S100A13: variants seen among roughly 807,000 people sequenced by gnomAD.
The protein encoded by S100A13 is protein S100-A13.
Under a neutral mutation model 8.2 loss-of-function variants are expected in S100A13, and 6 were observed. The ratio of observed to expected loss-of-function variants is 0.73; its 90% CI spans 0.40 to 1.44. S100A13 has a LOEUF of 1.44. Ranked by LOEUF, S100A13 falls within the 40% of genes most tolerant of loss-of-function variation. The probability of loss-of-function intolerance (pLI) is 0.02; values close to 1 mark genes in which losing one functional copy is unlikely to be tolerated. For missense variants in S100A13, 114 were observed against 113.6 expected, an observed-to-expected ratio of 1.00 and a Z score of -0.02; for synonymous variants, 39 against 45.9, an observed-to-expected ratio of 0.85 and a Z score of 0.61.
chr1:153,632,854 T>G (rs1668104848), upstream of S100A13, among the ~76,000 whole-genome samples: 1 of 152,120 alleles, frequency 6.6e-6, no homozygotes, highest in Non-Finnish European at 1.5e-5. Flanking sequence ...TACACTGTAT[T>G]GTGCACATAG....
At chr1:153,628,253 CG>C (rs1182864623), upstream of S100A13, 6 of 1,533,976 alleles carry the variant, frequency 3.9e-6, no homozygotes, top group Non-Finnish European at 5.3e-6. Context: ...GAGAAAGGAA[CG>C]GGGCAAGCAA....
intron 2 of S100A13, among the ~76,000 whole-genome samples, chr1:153,621,616 G>A (rs756532124): frequency 4.7e-5 from 7 of 150,492 alleles, no homozygotes; most frequent in Non-Finnish European, 7.4e-5. Flanking sequence ...CGGGCAACCC[G>A]CTCGGGTCTC....
upstream of S100A13, chr1:153,631,368 T>C: frequency 8.0e-7 from 1 of 1,252,374 alleles, no homozygotes; most frequent in Non-Finnish European, 1.1e-6. Context: ...GTTTCTTCTC[T>C]AGAATGGAAA....
rs146837329 is a variant in S100A13, at chr1:153,619,119, A to G, written c.154-81T>C. 13,102 of 1,319,700 alleles carry G rather than the reference A, an allele frequency of 9.9e-3. 188 individuals carry two copies. The highest frequency in any genetic ancestry group is 0.059 in the Middle Eastern group (304 of 5,166). 81.7% of individuals were successfully genotyped at this position (1,319,700 alleles called of 1,614,324 possible). Reference sequence around the variant, plus strand: ...AGGGAGGGAAGAACTGTCAGCTGCTATTCTCTCAAGGCCCTTCCCTCAGAG... The same window carrying G: ...AGGGAGGGAAGAACTGTCAGCTGCTGTTCTCTCAAGGCCCTTCCCTCAGAG... On this transcript the variant is annotated intron_variant, in intron 2 of 2. Transcript: ENST00000476133.
intron 2 of S100A13, among the ~76,000 whole-genome samples, chr1:153,625,533 C>G (rs1667561118): frequency 6.6e-6 from 1 of 152,226 alleles, no homozygotes; most frequent in South Asian, 2.1e-4. Flanking sequence ...CCACAGACCC[C>G]CTACACTGAG....
At chr1:153,631,945 C>A, upstream of S100A13, 1 of 1,356,992 alleles carries the variant, frequency 7.4e-7, no homozygotes, top group East Asian at 2.5e-5. Flanking sequence ...TAACCCCACC[C>A]TTGCCCACCC....
upstream of S100A13, chr1:153,629,997 C>A: frequency 6.3e-6 from 1 of 158,864 alleles, no homozygotes; most frequent in Non-Finnish European, 1.4e-5. Flanking sequence ...CTCTACCAGG[C>A]TGACCGAGGG....
At chr1:153,632,165 T>C (rs542380048), upstream of S100A13, 1 of 251,508 alleles carries the variant, frequency 4.0e-6, no homozygotes, top group East Asian at 8.5e-5. Context: ...ATCTTCCTAC[T>C]TGAGGAATGC....
upstream of S100A13, chr1:153,632,899 G>C (rs906562792): frequency 6.6e-6 from 1 of 152,250 alleles, no homozygotes; most frequent in Non-Finnish European, 1.5e-5. Flanking sequence ...GCCGGGCACA[G>C]TGGCTCACGA....
At chr1:153,620,329 T>C (rs780272515) in intron 2 of S100A13, among the ~76,000 whole-genome samples, 1 of 151,472 alleles carries the variant, frequency 6.6e-6, no homozygotes, top group Non-Finnish European at 1.5e-5. Flanking sequence ...GGTGTGATAG[T>C]GCACACCCGT....
At chr1:153,631,735 A>G (rs896317257), upstream of S100A13, 1 of 1,614,188 alleles carries the variant, frequency 6.2e-7, no homozygotes, top group South Asian at 1.1e-5. Flanking sequence ...AAGGTGATGA[A>G]GGAGCTAGAC....
chr1:153,628,537 G>A (rs770578849), upstream of S100A13: 37 of 1,548,930 alleles, frequency 2.4e-5, no homozygotes, highest in South Asian at 1.7e-4. Flanking sequence ...TGGCCTGCCA[G>A]CTTCAGGGAG....
intron 1 of S100A13, 78 bp from the exon 2 acceptor site, chr1:153,626,611 T>C (rs1045160394): frequency 1.3e-6 from 1 of 793,640 alleles, no homozygotes. Flanking sequence ...GTCCCTGCCT[T>C]GGTGTTATCA....
At chr1:153,620,243 C>T (rs191090946) in intron 2 of S100A13, among the ~76,000 whole-genome samples, 7 of 151,792 alleles carry the variant, frequency 4.6e-5, no homozygotes, top group Admixed American at 6.6e-5. Context: ...GCAGAGATCG[C>T]GCCATTGCAC....
At chr1:153,632,477 T>A (rs1323808934), upstream of S100A13, among the ~76,000 whole-genome samples, 1 of 151,982 alleles carries the variant, frequency 6.6e-6, no homozygotes, top group Non-Finnish European at 1.5e-5. Flanking sequence ...TTCACCATGT[T>A]GGCCAGGATG....
upstream of S100A13, chr1:153,631,789 T>C: frequency 3.1e-6 from 5 of 1,614,206 alleles, no homozygotes; most frequent in Non-Finnish European, 4.2e-6. Flanking sequence ...TATGTGGTGC[T>C]TGTGGCTGCT....
chr1:153,631,758 G>A (rs375726273), upstream of S100A13: 84 of 1,614,058 alleles, frequency 5.2e-5, no homozygotes, highest in Middle Eastern at 3.3e-4. Context: ...GAATGGAGAC[G>A]GGGAGGTGGA....
chr1:153,629,403 G>T (rs1171497471), upstream of S100A13: 1 of 152,222 alleles, frequency 6.6e-6, no homozygotes, highest in South Asian at 2.1e-4. Flanking sequence ...GATGTCATTC[G>T]ATCAGGGGCC....
upstream of S100A13, chr1:153,630,297 C>A: frequency 3.4e-6 from 2 of 587,946 alleles, no homozygotes; most frequent in Non-Finnish European, 2.9e-6. Flanking sequence ...GGCTGGGGTA[C>A]AGACTGAGGG....
Sources: gnomAD v4.1 joint callset for allele counts (sites outside exome capture counted in the v4.1 genomes callset) on GRCh38, gnomAD v4.1.1 for gene constraint, MANE v1.5 for transcripts, NCBI Gene and HGNC (gene_info 2026-07-23, HGNC 2026-07-21) for gene names.